Variants in DIO2 observed in about 807,000 individuals in gnomAD.
DIO2 encodes the protein type II iodothyronine deiodinase.
DIO2 carries 19 observed loss-of-function variants against 21.4 expected under a neutral mutation model. That is an observed-to-expected ratio of 0.89 (90% CI 0.62 to 1.30). The LOEUF (loss-of-function observed/expected upper bound fraction) is 1.30, where lower values mean the gene tolerates loss of function less well. Ranked by LOEUF, DIO2 falls within the 50% of genes most tolerant of loss-of-function variation. The pLI, the probability that DIO2 is intolerant of heterozygous loss-of-function variation, is 0.00. For synonymous variants in DIO2, 122 were observed against 132.9 expected (o/e 0.92, Z 0.57); for missense variants, 302 against 338.1 (o/e 0.89, Z 0.84).
chr14:80,203,812 G>A (rs1887843964), intron 1 of DIO2, among the ~76,000 whole-genome samples: 1 of 152,214 alleles, frequency 6.6e-6, no homozygotes. Context: ...AGTGATACCA[G>A]TGGGCTCTAT....
intron 2 of DIO2, among the ~76,000 whole-genome samples, chr14:80,221,769 A>C (rs988112358): frequency 6.6e-6 from 1 of 152,222 alleles, no homozygotes; most frequent in African/African-American, 2.4e-5. Context: ...GCAATTTACC[A>C]TAAAAACAAA....
chr14:80,216,330 T>C (rs953857674), upstream of DIO2, among the ~76,000 whole-genome samples: 7 of 152,176 alleles, frequency 4.6e-5, no homozygotes, highest in Admixed American at 2.6e-4. Context: ...CGATGCTCTT[T>C]GTGAGGCAAC....
Position 80,202,550 on chromosome 14 carries a change from A to C in DIO2, c.*139T>G. The C allele has an allele frequency of 1.9e-5, 17 of 879,062 alleles. No homozygotes were observed. The highest frequency in any genetic ancestry group is 2.9e-5 in the Non-Finnish European group (17 of 581,898). 54.5% of individuals were successfully genotyped at this position (879,062 alleles called of 1,614,324 possible). A position where few individuals can be genotyped will look rare whatever the true frequency, so the allele number is the denominator to read the frequency against. ...GTAGTGAAAGAAGTATGGAGCTGTTAGAGATTCATGTTCTTCCGATAGATA... is the reference window on the plus strand; with the variant it reads ...GTAGTGAAAGAAGTATGGAGCTGTTCGAGATTCATGTTCTTCCGATAGATA... On this transcript the variant is annotated 3_prime_UTR_variant, in exon 2 of 2. Coordinates refer to ENST00000438257, the MANE Select transcript of DIO2 (RefSeq NM_013989.5).
rs751154248 is a variant in DIO2 at position 80,202,737 on chromosome 14, C to T, written c.774G>A (p.Leu258=). The T allele has an allele frequency of 2.5e-6, 4 of 1,613,868 alleles. No individual in the cohort carries two copies. Among genetic ancestry groups the T allele is most frequent in the South Asian group, 2.2e-5 (2 of 91,062 alleles). ...SYNLQEVRHW[L]EKNFSKRUKK... ...TTCATCTCTTGCTGAAATTCTTCTC[C>T]AGCCAATGCCGGACTTCTTGAAGGT... The change falls in exon 2 of 2, where the codon CTG becomes CTA. Residue 258 remains leucine, a synonymous_variant. Transcript: ENST00000438257.
chr14:80,215,804 T>C (rs900724975), upstream of DIO2, among the ~76,000 whole-genome samples: 1 of 152,232 alleles, frequency 6.6e-6, no homozygotes, highest in Non-Finnish European at 1.5e-5. Context: ...CTCCAGTGAC[T>C]CTGCCTGACA....
rs1887664347 is a variant in DIO2, at chr14:80,200,296, T to C, written c.*2393A>G. 1 of 152,608 alleles carries C rather than the reference T, an allele frequency of 6.6e-6. No homozygotes were observed. Among genetic ancestry groups the C allele is most frequent in the Non-Finnish European group, 1.5e-5 (1 of 68,042 alleles). The allele number at this position is 152,608 out of a possible 1,614,324, so 9.5% of individuals were successfully genotyped here. A position where few individuals can be genotyped will look rare whatever the true frequency, so the allele number is the denominator to read the frequency against. Reference sequence around the variant, plus strand: ...TTCCTTCCTCTGCTTCATTTCTCCATTGGGCTAACCTCAGGGAGAATTGTC... The same window carrying C: ...TTCCTTCCTCTGCTTCATTTCTCCACTGGGCTAACCTCAGGGAGAATTGTC... On this transcript the variant is annotated 3_prime_UTR_variant, in exon 2 of 2. Transcript: ENST00000438257.
intron 2 of DIO2, among the ~76,000 whole-genome samples, chr14:80,221,112 G>C (rs960076652): frequency 6.6e-6 from 1 of 152,148 alleles, no homozygotes; most frequent in Non-Finnish European, 1.5e-5. Flanking sequence ...AACCAATCTT[G>C]TGTCCATCTT....
chr14:80,209,441 T>A (rs912493943), intron 1 of DIO2, among the ~76,000 whole-genome samples: 8 of 152,116 alleles, frequency 5.3e-5, no homozygotes, highest in African/African-American at 1.9e-4. Flanking sequence ...GATATTTCCA[T>A]GGTATCTGCT....
chr14:80,230,029 T>C (rs1888654687), intron 2 of DIO2, among the ~76,000 whole-genome samples: 1 of 152,128 alleles, frequency 6.6e-6, no homozygotes, highest in South Asian at 2.1e-4. Context: ...ACGTTATTTT[T>C]CCTGGCAATT....
rs762384152 is a variant in DIO2, at chr14:80,202,383, A to T, written c.*306T>A. 4.9e-6 allele frequency: 3 copies of T among 613,324 alleles called. No individual in the cohort carries two copies. The highest frequency in any genetic ancestry group is 4.1e-5 in the South Asian group (3 of 72,444). 38.0% of individuals were successfully genotyped at this position (613,324 alleles called of 1,614,324 possible). A position where few individuals can be genotyped will look rare whatever the true frequency, so the allele number is the denominator to read the frequency against. On this transcript the variant is annotated 3_prime_UTR_variant, in exon 2 of 2. Coordinates refer to ENST00000438257, the MANE Select transcript of DIO2 (RefSeq NM_013989.5). ...TTCTTCTGGTCTCAAAGCATGCATC[A>T]GATGTATCAGTTCCTTCTCAATGCA...
intron 1 of DIO2, 95 bp downstream of exon 1, chr14:80,211,156 G>A (rs1032778330): frequency 3.2e-5 from 39 of 1,217,470 alleles, no homozygotes; most frequent in Non-Finnish European, 4.3e-5. Flanking sequence ...GGGCTTCACA[G>A]CTCTCCCCCC....
At chr14:80,206,249 T>C (rs778343483) in intron 1 of DIO2, 18 of 1,562,642 alleles carry the variant, frequency 1.2e-5, no homozygotes, top group Non-Finnish European at 1.6e-5. Context: ...AATCCAAATG[T>C]GAGTAGACCA....
chr14:80,227,328 AACTT>A (rs1175335568), intron 2 of DIO2, among the ~76,000 whole-genome samples: 4 of 152,166 alleles, frequency 2.6e-5, no homozygotes, highest in Admixed American at 6.5e-5. Context: ...TTTCTCACGT[AACTT>A]ACTTATGCCT....
intron 2 of DIO2, among the ~76,000 whole-genome samples, chr14:80,223,008 C>A (rs1050950887): frequency 6.6e-6 from 1 of 151,922 alleles, no homozygotes; most frequent in Non-Finnish European, 1.5e-5. Context: ...ATTACTGAAG[C>A]ATACCACCAT....
At chr14:80,208,497 C>T (rs1212387776) in intron 1 of DIO2, among the ~76,000 whole-genome samples, 1 of 152,188 alleles carries the variant, frequency 6.6e-6, no homozygotes, top group Non-Finnish European at 1.5e-5. Flanking sequence ...TTCCAGGCAT[C>T]TGACATGCAG....
chr14:80,219,156 T>C (rs1265029116), intron 2 of DIO2, among the ~76,000 whole-genome samples: 1 of 152,128 alleles, frequency 6.6e-6, no homozygotes, highest in Non-Finnish European at 1.5e-5. Context: ...TTCTAGGCAT[T>C]AGAGGGTACC....
chr14:80,202,475 T>C lies in DIO2; in HGVS notation c.*214A>G. The C allele has an allele frequency of 1.3e-6, 1 of 745,684 alleles. No individual in the cohort carries two copies. The highest frequency in any genetic ancestry group is 2.4e-6 in the Non-Finnish European group (1 of 412,778). 46.2% of individuals were successfully genotyped at this position (745,684 alleles called of 1,614,324 possible). ...TGGGATCTTTTCACATAGGGCTTTT[T>C]ACTAAGAAGAGAGGTGATATGGTTA... On this transcript the variant is annotated 3_prime_UTR_variant, in exon 2 of 2. Transcript: ENST00000438257.
chr14:80,198,201 T>C lies in DIO2; in HGVS notation c.*4488A>G, dbSNP rs560964977. 2 of 152,724 alleles carry C rather than the reference T, an allele frequency of 1.3e-5. No individual in the cohort carries two copies. The highest frequency in any genetic ancestry group is 3.4e-3 in the Middle Eastern group (1 of 294). 9.5% of individuals were successfully genotyped at this position (152,724 alleles called of 1,614,324 possible). A position where few individuals can be genotyped will look rare whatever the true frequency, so the allele number is the denominator to read the frequency against. ...AATAGTGACTTCATTAAACATCTGC[T>C]GGGTCTTCGAAGTCTCAGTAAATAT... On this transcript the variant is annotated 3_prime_UTR_variant, in exon 2 of 2. Coordinates refer to ENST00000438257, the MANE Select transcript of DIO2 (RefSeq NM_013989.5).
At chr14:80,211,060 G>A (rs1258264172) in intron 1 of DIO2, among the ~76,000 whole-genome samples, 191 bp downstream of exon 1, 1 of 152,118 alleles carries the variant, frequency 6.6e-6, no homozygotes, top group Non-Finnish European at 1.5e-5. Flanking sequence ...AGTCATTATG[G>A]CTTAATAGCT....
Sources: gnomAD v4.1 joint callset for allele counts (sites outside exome capture counted in the v4.1 genomes callset) on GRCh38, gnomAD v4.1.1 for gene constraint, MANE v1.5 for transcripts, NCBI Gene and HGNC (gene_info 2026-07-23, HGNC 2026-07-21) for gene names.